The following RNF150 variants were observed in gnomAD, a reference collection of about 807,000 sequenced individuals.
RNF150 encodes the protein ring finger protein 150.
RNF150 carries 24 observed loss-of-function variants against 39.3 expected under a neutral mutation model. The ratio of observed to expected loss-of-function variants is 0.61; its 90% CI spans 0.44 to 0.86. The LOEUF (loss-of-function observed/expected upper bound fraction) is 0.86, where lower values mean the gene tolerates loss of function less well. RNF150 is among the 40% of genes least tolerant of loss of function. RNF150 has a pLI of 0.00. For missense variants in RNF150, 502 were observed against 587.8 expected, an observed-to-expected ratio of 0.85 and a Z score of 1.51; for synonymous variants, 255 against 227.3, an observed-to-expected ratio of 1.12 and a Z score of -1.10.
At chr4:141,005,784 A>C (rs182733830) in intron 1 of RNF150, among the ~76,000 whole-genome samples, 2 of 150,878 alleles carry the variant, frequency 1.3e-5, no homozygotes, top group African/African-American at 4.9e-5. Flanking sequence ...AATATTTTAA[A>C]AGGGCCGGGC....
Position 141,132,216 on chromosome 4 carries a change from T to C in RNF150, c.484+109A>G. 3 of 1,193,410 alleles carry C rather than the reference T, an allele frequency of 2.5e-6. No individual in the cohort carries two copies. The highest frequency in any genetic ancestry group is 3.5e-6 in the Non-Finnish European group (3 of 851,102). 73.9% of individuals were successfully genotyped at this position (1,193,410 alleles called of 1,614,324 possible). ...TCGGTCCAGGGAACCCAGACACGTC[T>C]TCCGCGCCGCACGGACTTCCCAGAA... On this transcript the variant is annotated intron_variant, in intron 1 of 6. Coordinates refer to ENST00000515673, the MANE Select transcript of RNF150 (RefSeq NM_020724.2). The surrounding 1 kb of genome is among the most constrained non-coding windows in gnomAD (Gnocchi z 4.9).
At chr4:141,033,507 A>G (rs535693000) in intron 1 of RNF150, among the ~76,000 whole-genome samples, 12 of 152,290 alleles carry the variant, frequency 7.9e-5, no homozygotes, top group Admixed American at 7.2e-4. Context: ...ACCTCCCCCC[A>G]TGAATCACAA....
At position 140,861,408 on chromosome 4, in the gene RNF150, C is replaced by T. The variant is rs1449689190; in HGVS notation, c.*6853G>A. 1 of 152,234 alleles carries T rather than the reference C, an allele frequency of 6.6e-6. No individual in the cohort carries two copies. Among genetic ancestry groups the T allele is most frequent in the African/African-American group, 2.4e-5 (1 of 41,466 alleles). The allele number at this position is 152,234 out of a possible 1,614,324, so 9.4% of individuals were successfully genotyped here. A position where few individuals can be genotyped will look rare whatever the true frequency, so the allele number is the denominator to read the frequency against. On this transcript the variant is annotated 3_prime_UTR_variant, in exon 7 of 7. Coordinates refer to ENST00000515673, the MANE Select transcript of RNF150 (RefSeq NM_020724.2). ...TCAGCTTTTTAGAGTTTGTGACACT[C>T]TTTCCTCATTTGATAAATGTAGACC...
chr4:141,124,093 A>G (rs894045962), intron 1 of RNF150, among the ~76,000 whole-genome samples: 1 of 152,182 alleles, frequency 6.6e-6, no homozygotes, highest in African/African-American at 2.4e-5. Context: ...GGAAAAATCC[A>G]CTGTGGTGTG....
intron 4 of RNF150, among the ~76,000 whole-genome samples, chr4:140,938,554 C>T (rs1022982689): frequency 3.3e-5 from 5 of 152,098 alleles, no homozygotes; most frequent in South Asian, 4.1e-4. Context: ...TGGGACCTAA[C>T]GAACAAACAA....
chr4:140,877,021 G>A (rs1328652470), intron 6 of RNF150, among the ~76,000 whole-genome samples: 1 of 152,162 alleles, frequency 6.6e-6, no homozygotes, highest in Non-Finnish European at 1.5e-5. Flanking sequence ...TTTGGTGAAG[G>A]AGAATTCCCT....
At chr4:140,901,232 C>T (rs771844929) in intron 6 of RNF150, among the ~76,000 whole-genome samples, 1 of 152,176 alleles carries the variant, frequency 6.6e-6, no homozygotes, top group South Asian at 2.1e-4. Flanking sequence ...TCCTTTGCTG[C>T]TGTTTCCGCT....
intron 1 of RNF150, among the ~76,000 whole-genome samples, chr4:141,042,278 TA>T (rs559067696): frequency 5.8e-4 from 88 of 152,246 alleles, no homozygotes; most frequent in Middle Eastern, 3.4e-3. Flanking sequence ...CTCGTTTATC[TA>T]AAGAATTAGA....
At chr4:141,010,918 G>A (rs1397375053) in intron 1 of RNF150, among the ~76,000 whole-genome samples, 2 of 151,900 alleles carry the variant, frequency 1.3e-5, no homozygotes, top group South Asian at 2.1e-4. Flanking sequence ...ACCAGAACAA[G>A]GTTTTCCAAA....
intron 1 of RNF150, among the ~76,000 whole-genome samples, chr4:141,149,916 T>C (rs921954274): frequency 6.6e-6 from 1 of 152,200 alleles, no homozygotes; most frequent in Non-Finnish European, 1.5e-5. Flanking sequence ...ATTTATTTTA[T>C]TATGGCCATT....
chr4:141,009,219 G>A (rs1002325975), intron 1 of RNF150, among the ~76,000 whole-genome samples: 5 of 152,154 alleles, frequency 3.3e-5, no homozygotes, highest in Admixed American at 2.6e-4. Context: ...ACTAACATAT[G>A]CTTATATTTC....
intron 1 of RNF150, among the ~76,000 whole-genome samples, chr4:141,153,474 C>T (rs550753623): frequency 2.6e-5 from 4 of 152,074 alleles, no homozygotes; most frequent in Non-Finnish European, 5.9e-5. Flanking sequence ...TCAGAAGAAA[C>T]CAACCCTGCT....
intron 1 of RNF150, among the ~76,000 whole-genome samples, chr4:141,052,340 C>T (rs753774778): frequency 9.2e-5 from 14 of 152,136 alleles, no homozygotes; most frequent in East Asian, 1.9e-4. Flanking sequence ...CATCCAAATA[C>T]GTAATATTTC....
rs996971498 is a variant in RNF150, at chr4:140,866,893, T to C, written c.*1368A>G. The C allele has an allele frequency of 1.2e-4, 18 of 152,292 alleles. No individual in the cohort carries two copies. The highest frequency in any genetic ancestry group is 3.4e-3 in the Middle Eastern group (1 of 294). The allele number at this position is 152,292 out of a possible 1,614,324, so 9.4% of individuals were successfully genotyped here. A position where few individuals can be genotyped will look rare whatever the true frequency, so the allele number is the denominator to read the frequency against. On this transcript the variant is annotated 3_prime_UTR_variant, in exon 7 of 7. Coordinates refer to ENST00000515673, the MANE Select transcript of RNF150 (RefSeq NM_020724.2). ...ATTGCCCACTGAAAAAATAGCACAT[T>C]TCTGTCATAGTTACAAAAGATGAAT...
At chr4:141,020,080 G>C (rs188713831) in intron 1 of RNF150, among the ~76,000 whole-genome samples, 3 of 149,154 alleles carry the variant, frequency 2.0e-5, no homozygotes, top group African/African-American at 7.3e-5. Context: ...CTTTAGCCAA[G>C]GGAGTTTTTT....
chr4:141,189,977 T>C (rs1366526403), intron 1 of RNF150, among the ~76,000 whole-genome samples: 1 of 152,168 alleles, frequency 6.6e-6, no homozygotes. Context: ...GCTTGGTGTC[T>C]GCCCAAACAG....
rs187868366 is a variant in RNF150 at position 141,158,074 on chromosome 4, C to G, written c.-6+54720G>C. 6.2e-3 allele frequency among the ~76,000 whole-genome samples: 939 copies of G among 152,258 alleles called. 12 individuals carry two copies. Among genetic ancestry groups the G allele is most frequent in the African/African-American group, 0.021 (890 of 41,552 alleles). ...TTGGGAGGCTGAGGCAGGCGGATCA[C>G]GAGGTCAGGAGTTCAAGAGCAGCCT... On this transcript the variant is annotated intron_variant, in intron 1 of 7. Coordinates refer to the RNF150 transcript ENST00000420921.
At chr4:140,875,165 T>C in intron 6 of RNF150, among the ~76,000 whole-genome samples, 1 of 109,616 alleles carries the variant, frequency 9.1e-6, no homozygotes, top group Non-Finnish European at 1.9e-5. Context: ...ATCATTACGT[T>C]TTTTTTTTTT....
chr4:140,940,922 C>T (rs910941349), intron 4 of RNF150, among the ~76,000 whole-genome samples: 5 of 152,188 alleles, frequency 3.3e-5, no homozygotes, highest in Non-Finnish European at 7.3e-5. Flanking sequence ...CTGCTTTCTG[C>T]CACTGCCAGC....
Sources: gnomAD v4.1 joint callset for allele counts (sites outside exome capture counted in the v4.1 genomes callset) on GRCh38, gnomAD v4.1.1 for gene constraint, Gnocchi (gnomAD v3.1) non-coding constraint, MANE v1.5 for transcripts, NCBI Gene and HGNC (gene_info 2026-07-23, HGNC 2026-07-21) for gene names.